CSMD3: variants seen among roughly 807,000 people sequenced by gnomAD.
CSMD3 encodes CUB and sushi domain-containing protein 3.
In CSMD3, 177 loss-of-function variants were observed where a neutral mutation model predicts 435.2. The ratio of observed to expected loss-of-function variants is 0.41; its 90% confidence interval spans 0.36 to 0.46. The LOEUF (loss-of-function observed/expected upper bound fraction) is 0.46, where lower values mean the gene tolerates loss of function less well. Among genes scored for constraint, CSMD3 ranks in the 20% least tolerant of loss-of-function variants. The pLI is 0.34. For missense variants in CSMD3, 4,265 were observed against 4,504.6 expected (o/e 0.95, Z 1.52); for synonymous variants, 1,656 against 1,520.5 (o/e 1.09, Z -2.07).
intron 4 of CSMD3, among the ~76,000 whole-genome samples, chr8:113,162,419 G>T (rs2092060173): frequency 6.6e-6 from 1 of 151,582 alleles, no homozygotes; most frequent in African/African-American, 2.4e-5. Context: ...CACAAAATTA[G>T]CTGTGCATGG....
At chr8:112,442,257 C>T (rs1815107224) in intron 32 of CSMD3, among the ~76,000 whole-genome samples, 1 of 152,124 alleles carries the variant, frequency 6.6e-6, no homozygotes, top group Non-Finnish European at 1.5e-5. Flanking sequence ...GATCCATCCC[C>T]ATGACCCAAA....
chr8:112,408,201 A>G, intron 34 of CSMD3, 117 bp downstream of exon 34: 1 of 776,268 alleles, frequency 1.3e-6, no homozygotes, highest in Admixed American at 1.9e-5. Context: ...GAGGGGACAA[A>G]ATAAAACTGC....
intron 5 of CSMD3, among the ~76,000 whole-genome samples, chr8:113,040,089 T>C (rs141149270): frequency 0.013 from 1,968 of 152,194 alleles, 19 homozygotes; most frequent in Non-Finnish European, 0.021. Context: ...GAGAGATATA[T>C]GGTTAGAGGT....
intron 11 of CSMD3, among the ~76,000 whole-genome samples, chr8:112,832,142 G>A (rs2079893751): frequency 6.6e-6 from 1 of 152,130 alleles, no homozygotes; most frequent in African/African-American, 2.4e-5. Context: ...TCATAAAGAT[G>A]TATCTTCATA....
chr8:112,335,417 C>T lies in CSMD3; in HGVS notation c.7077G>A (p.Leu2359=). ...GATTTGAAGTACTGTAGACTGATTCCAAAGCGGTATTGCCACTGAACTGAC... is the reference window on the plus strand; with the variant it reads ...GATTTGAAGTACTGTAGACTGATTCTAAAGCGGTATTGCCACTGAACTGAC... ...QIGQFSGNTA[L]ESVYSTSNQI... Residue 2359 remains leucine (L), a synonymous_variant, in exon 45 of 71, where the codon TTG becomes TTA. Transcript: ENST00000297405. 6.2e-7 allele frequency: 1 copy of T among 1,613,832 alleles called. No individual in the cohort carries two copies. Among genetic ancestry groups the T allele is most frequent in the South Asian group, 1.1e-5 (1 of 91,076 alleles).
chr8:113,290,016 TTTTCTTTGTCAA>T (rs2093674975), intron 2 of CSMD3, among the ~76,000 whole-genome samples: 1 of 151,748 alleles, frequency 6.6e-6, no homozygotes, highest in Non-Finnish European at 1.5e-5. Flanking sequence ...TAATGTGGTA[TTTTCTTTGTCAA>T]TTTCCTCCAG....
chr8:112,992,180 C>T (rs1057162976), intron 6 of CSMD3, among the ~76,000 whole-genome samples: 2 of 151,276 alleles, frequency 1.3e-5, no homozygotes, highest in African/African-American at 2.4e-5. Flanking sequence ...TCGTTCCTTC[C>T]TTCTTTTTTC....
In CSMD3 at chr8:112,408,933, G is replaced by A. The variant is rs919490944; in HGVS notation, c.5495C>T (p.Ser1832Leu). The A allele has an allele frequency of 1.2e-6, 2 of 1,613,424 alleles. No individual in the cohort carries two copies. The highest frequency in any genetic ancestry group is 1.3e-5 in the African/African-American group (1 of 74,874). Reference protein sequence around the residue: ...TQQSSLLSSLSGSHSGESLPL... With the variant: ...TQQSSLLSSLLGSHSGESLPL... ...TTAAAGGATACCTGAATGGGATCCT[G>A]AGAGGGAAGATAACAGAGAAGATTG... is the stretch of plus-strand genomic sequence containing the variant. The change falls in exon 33 of 71, where the codon TCA (serine) becomes TTA (leucine). Residue 1832 changes from serine (S) to leucine (L), a missense_variant. Around this residue, in one of 3 missense-constraint regions of CSMD3, gnomAD observed 3,255 missense variants for 3,380.2 expected, o/e 0.96. Transcript: ENST00000297405.
chr8:113,345,112 G>A (rs957855956), intron 1 of CSMD3, among the ~76,000 whole-genome samples: 2 of 151,992 alleles, frequency 1.3e-5, no homozygotes, highest in Non-Finnish European at 2.9e-5. Context: ...TACACAGAAA[G>A]CATAATACTT....
At chr8:112,785,376 T>C (rs1356489132) in intron 13 of CSMD3, among the ~76,000 whole-genome samples, 1 of 151,988 alleles carries the variant, frequency 6.6e-6, no homozygotes, top group Non-Finnish European at 1.5e-5. Context: ...CTTTCACCAC[T>C]ATTATTCAAC....
chr8:112,640,970 T>G (rs1041237838), intron 20 of CSMD3, among the ~76,000 whole-genome samples: 2 of 152,164 alleles, frequency 1.3e-5, no homozygotes, highest in African/African-American at 4.8e-5. Context: ...TATTTTAGAA[T>G]TTCATTAATT....
At chr8:113,312,702 A>G (rs1042505775) in intron 2 of CSMD3, 1 of 152,184 alleles carries the variant, frequency 6.6e-6, no homozygotes, top group African/African-American at 2.4e-5. Context: ...TATATCCCAC[A>G]GATTGCCAGT....
intron 3 of CSMD3, among the ~76,000 whole-genome samples, chr8:113,199,663 T>C (rs1352559749): frequency 2.0e-5 from 3 of 151,684 alleles, no homozygotes; most frequent in African/African-American, 7.3e-5. Flanking sequence ...CCCAAAGACA[T>C]TGAGCAGCCT....
intron 3 of CSMD3, among the ~76,000 whole-genome samples, chr8:113,191,268 G>C (rs995411506): frequency 5.9e-5 from 9 of 151,814 alleles, no homozygotes; most frequent in African/African-American, 1.9e-4. Context: ...TGGATTCAGA[G>C]GGTAAATGTG....
chr8:112,699,236 T>C (rs1325354734), intron 13 of CSMD3, among the ~76,000 whole-genome samples: 1 of 152,102 alleles, frequency 6.6e-6, no homozygotes, highest in African/African-American at 2.4e-5. Context: ...ACTGCAAAAG[T>C]CTGCAGCTTC....
At chr8:112,899,618 T>C (rs1181038825) in intron 10 of CSMD3, among the ~76,000 whole-genome samples, 1 of 109,050 alleles carries the variant, frequency 9.2e-6, no homozygotes, top group Non-Finnish European at 1.9e-5. Flanking sequence ...TATATATATA[T>C]ATATATATAT....
intron 1 of CSMD3, among the ~76,000 whole-genome samples, chr8:113,429,194 T>C (rs924829311): frequency 2.0e-5 from 3 of 151,672 alleles, no homozygotes; most frequent in Non-Finnish European, 4.4e-5. Context: ...CATTAATATT[T>C]ATAAAATGTA....
At chr8:112,346,029 T>C (rs1334241021) in intron 41 of CSMD3, 68 bp downstream of exon 41, 4 of 910,498 alleles carry the variant, frequency 4.4e-6, no homozygotes, top group African/African-American at 3.3e-5. Flanking sequence ...TTATTCGACA[T>C]TGAAATTTAT....
chr8:113,011,898 G>A (rs916542725), intron 6 of CSMD3, among the ~76,000 whole-genome samples: 13 of 151,716 alleles, frequency 8.6e-5, no homozygotes, highest in African/African-American at 2.9e-4. Context: ...GTACTAAAAA[G>A]AAGATGAGTC....
Sources: allele counts gnomAD v4.1 joint callset (sites outside exome capture counted in the v4.1 genomes callset), GRCh38; gene constraint gnomAD v4.1.1; regional missense constraint gnomAD v4.1.1; transcripts MANE v1.5; gene names NCBI Gene and HGNC (gene_info 2026-07-23, HGNC 2026-07-21).